INTS6: variants seen among roughly 807,000 people sequenced by gnomAD.
INTS6 encodes integrator complex subunit 6.
INTS6 carries 16 observed loss-of-function variants against 104.9 expected under a neutral mutation model. The ratio of observed to expected loss-of-function variants is 0.15; its 90% CI spans 0.10 to 0.23. INTS6 has a LOEUF of 0.23. INTS6 is among the 10% of genes least tolerant of loss of function. The pLI, the probability that INTS6 is intolerant of heterozygous loss-of-function variation, is 1.00. For missense variants in INTS6, 584 were observed against 1,062.8 expected, an observed-to-expected ratio of 0.55 and a Z score of 6.26; for synonymous variants, 324 against 358.7, an observed-to-expected ratio of 0.90 and a Z score of 1.09.
intron 4 of INTS6, among the ~76,000 whole-genome samples, chr13:51,401,397 A>T (rs1400903162): frequency 2.6e-5 from 4 of 152,166 alleles, no homozygotes. Context: ...TGTATTTAAC[A>T]GAAAGAAGAA....
At chr13:51,344,289 C>G in the INTS6 span, 1 of 1,613,900 alleles carries the variant, frequency 6.2e-7, no homozygotes, top group Non-Finnish European at 8.5e-7. Flanking sequence ...CTGTTTATGC[C>G]ACACTACCCA....
intron 3 of INTS6, chr13:51,436,479 G>A (rs1952691202): frequency 6.6e-6 from 1 of 152,034 alleles, no homozygotes; most frequent in South Asian, 2.1e-4. Flanking sequence ...AAATACAACA[G>A]CATTAAAAAC....
the INTS6 span, among the ~76,000 whole-genome samples, chr13:51,335,026 A>C: frequency 6.6e-6 from 1 of 151,634 alleles, no homozygotes; most frequent in East Asian, 1.9e-4. Context: ...AGCCGTAGTT[A>C]TGAAAGCAAT....
rs1156333077 is a variant in INTS6 at position 51,429,785 on chromosome 13, A to AAAAAAAT, written c.429+508_429+509insATTTTTT. Among the ~76,000 whole-genome samples, 254 of 92,342 alleles carry AAAAAAAT rather than the reference A, an allele frequency of 2.8e-3. 4 individuals carry two copies. The highest frequency in any genetic ancestry group is 4.4e-3 in the African/African-American group (95 of 21,698). The allele number at this position is 92,342 out of a possible 152,430, so 60.6% of individuals were successfully genotyped here. On this transcript the variant is annotated intron_variant, in intron 4 of 17. Transcript: ENST00000311234. ...TCTCAAAAAAAAAAAAAAAAAAAAA[A>AAAAAAAT]ATATATATATATATATATATATATG...
intron 3 of INTS6, among the ~76,000 whole-genome samples, chr13:51,435,839 G>A (rs1245021455): frequency 2.0e-5 from 3 of 151,934 alleles, no homozygotes; most frequent in Non-Finnish European, 4.4e-5. Flanking sequence ...TTTTAAAGGT[G>A]GAGGAGGTTC....
At chr13:51,433,904 T>TA (rs902575628) in intron 3 of INTS6, among the ~76,000 whole-genome samples, 26 of 152,168 alleles carry the variant, frequency 1.7e-4, no homozygotes, top group Non-Finnish European at 3.1e-4. Context: ...CATTTGACCC[T>TA]AAAAAAACTT....
chr13:51,422,516 C>T (rs1028208504), intron 4 of INTS6, among the ~76,000 whole-genome samples: 6 of 152,132 alleles, frequency 3.9e-5, no homozygotes, highest in African/African-American at 1.4e-4. Context: ...CCTAGCTTAC[C>T]TACCGAACCT....
chr13:51,380,884 T>C (rs1430260976), intron 10 of INTS6, among the ~76,000 whole-genome samples: 1 of 152,174 alleles, frequency 6.6e-6, no homozygotes, highest in East Asian at 1.9e-4. Context: ...AAAGTGTTTC[T>C]AGAGATTTGG....
At chr13:51,347,275 G>T in the INTS6 span, 50 of 1,574,390 alleles carry the variant, frequency 3.2e-5, no homozygotes, top group Admixed American at 8.6e-4. Context: ...GGGAGAGGAA[G>T]CCTGGGCCTG....
chr13:51,381,532 C>T (rs1956049221), intron 10 of INTS6, among the ~76,000 whole-genome samples: 1 of 152,138 alleles, frequency 6.6e-6, no homozygotes, highest in Non-Finnish European at 1.5e-5. Flanking sequence ...TTCTCATGAT[C>T]ATGATCATCA....
chr13:51,435,356 T>G lies in INTS6; in HGVS notation c.340-4973A>C, dbSNP rs184412309. Among the ~76,000 whole-genome samples the G allele has an allele frequency of 1.4e-3, 206 of 152,126 alleles. 1 individual carries two copies. Among genetic ancestry groups the G allele is most frequent in the African/African-American group, 4.9e-3 (202 of 41,568 alleles). On this transcript the variant is annotated intron_variant, in intron 3 of 17. Coordinates refer to ENST00000311234, the MANE Select transcript of INTS6 (RefSeq NM_012141.3). ...GAGTCAATCTGTCATTAAAAATTTTTCATTTTAATTTTGGTCAAAAACCTC... is the reference window on the plus strand; with the variant it reads ...GAGTCAATCTGTCATTAAAAATTTTGCATTTTAATTTTGGTCAAAAACCTC...
chr13:51,348,490 C>T, the INTS6 span: 3 of 1,228,262 alleles, frequency 2.4e-6, no homozygotes, highest in Admixed American at 3.7e-5. Flanking sequence ...GGTGGTCTGC[C>T]TCCAGGGTCT....
chr13:51,450,249 C>T (rs910470115), intron 3 of INTS6: 5 of 984,474 alleles, frequency 5.1e-6, no homozygotes, highest in South Asian at 4.7e-5. Flanking sequence ...TCTTTTATTT[C>T]CAGGGCAATA....
the INTS6 span, chr13:51,348,484 G>A: frequency 5.7e-4 from 757 of 1,316,672 alleles, 5 homozygotes; most frequent in African/African-American, 9.1e-3. Context: ...CACACAGGTG[G>A]TCTGCCTCCA....
the INTS6 span, among the ~76,000 whole-genome samples, chr13:51,338,704 A>T: frequency 1.3e-5 from 2 of 152,232 alleles, no homozygotes; most frequent in Non-Finnish European, 2.9e-5. Flanking sequence ...GGGATATTTT[A>T]TGTGATGCAA....
At chr13:51,338,725 G>GT in the INTS6 span, among the ~76,000 whole-genome samples, 1 of 152,200 alleles carries the variant, frequency 6.6e-6, no homozygotes, top group Non-Finnish European at 1.5e-5. Flanking sequence ...TTATAGAACT[G>GT]TAACTATCCT....
At chr13:51,361,377 A>G (rs1326940875), downstream of INTS6, 11 of 1,534,456 alleles carry the variant, frequency 7.2e-6, no homozygotes, top group Non-Finnish European at 9.9e-6. Flanking sequence ...ATGTTCAGAG[A>G]ATACCCAGTC....
intron 4 of INTS6, among the ~76,000 whole-genome samples, chr13:51,427,669 C>A (rs1957008073): frequency 6.6e-6 from 1 of 152,134 alleles, no homozygotes; most frequent in South Asian, 2.1e-4. Context: ...AAATAATTTA[C>A]TTTTGCTTTA....
chr13:51,339,448 C>G, the INTS6 span: 1 of 152,322 alleles, frequency 6.6e-6, no homozygotes, highest in Non-Finnish European at 1.5e-5. Context: ...CCTAAGAAGG[C>G]TTGACGGGTG....
Sources: allele counts gnomAD v4.1 joint callset (sites outside exome capture counted in the v4.1 genomes callset), GRCh38; gene constraint gnomAD v4.1.1; transcripts MANE v1.5; gene names NCBI Gene and HGNC (gene_info 2026-07-23, HGNC 2026-07-21).